SLC7A2: variants seen among roughly 807,000 people sequenced by gnomAD.
The protein encoded by SLC7A2 is cationic amino acid transporter 2.
A neutral mutation model predicts 58.9 loss-of-function variants in SLC7A2; 48 were observed. That is an observed-to-expected ratio of 0.82 (90% CI 0.65 to 1.04). The LOEUF is 1.04. Ranked by LOEUF, SLC7A2 falls within the 50% of genes least tolerant of loss-of-function variation. The pLI is 0.00. For synonymous variants in SLC7A2, 363 were observed against 314.5 expected, an observed-to-expected ratio of 1.15 and a Z score of -1.63; for missense variants, 1,029 against 818.8, an observed-to-expected ratio of 1.26 and a Z score of -3.13.
rs1803445180 is a variant in SLC7A2 at position 17,570,185 on chromosome 8, A to G, written c.*5039A>G. ...CAAGACCCAGTTGGGAAAGAGCGTCATATTGCCAACAGGTTGGGTTTCTCT... is the reference window on the plus strand; with the variant it reads ...CAAGACCCAGTTGGGAAAGAGCGTCGTATTGCCAACAGGTTGGGTTTCTCT... On this transcript the variant is annotated 3_prime_UTR_variant, in exon 13 of 13. Transcript: ENST00000494857. The G allele has an allele frequency of 6.6e-6, 1 of 152,170 alleles. No individual in the cohort carries two copies. The highest frequency in any genetic ancestry group is 2.4e-5 in the African/African-American group (1 of 41,422). The allele number at this position is 152,170 out of a possible 1,614,324, so 9.4% of individuals were successfully genotyped here.
intron 1 of SLC7A2, among the ~76,000 whole-genome samples, 190 bp downstream of exon 1, chr8:17,497,427 A>G (rs1350953134): frequency 6.6e-6 from 1 of 152,072 alleles, no homozygotes; most frequent in African/African-American, 2.4e-5. Context: ...AGTCTTCGTC[A>G]GGGAGTCGGG....
At chr8:17,504,040 G>T (rs1001998996) in intron 2 of SLC7A2, among the ~76,000 whole-genome samples, 4 of 152,162 alleles carry the variant, frequency 2.6e-5, no homozygotes, top group Non-Finnish European at 5.9e-5. Context: ...AGTCACATTG[G>T]CTGTGATTCC....
chr8:17,519,540 T>C (rs1486442636), intron 2 of SLC7A2, among the ~76,000 whole-genome samples: 1 of 152,224 alleles, frequency 6.6e-6, no homozygotes, highest in East Asian at 1.9e-4. Flanking sequence ...CCTTTGGCCC[T>C]GTCCCTCCGG....
intron 2 of SLC7A2, among the ~76,000 whole-genome samples, chr8:17,533,890 G>A (rs150446577): frequency 1.4e-4 from 21 of 152,332 alleles, no homozygotes; most frequent in African/African-American, 4.8e-4. Flanking sequence ...TGCATTAGCT[G>A]TTTATCCTGA....
rs536864775 is a variant in SLC7A2 at position 17,567,140 on chromosome 8, T to G, written c.*1994T>G. ...CAGAATTTTCTCTCAAGCTGCGTGG[T>G]TTACTGGAGAGAAGGAGTTGGATAA... On this transcript the variant is annotated 3_prime_UTR_variant, in exon 13 of 13. Coordinates refer to ENST00000494857, the MANE Select transcript of SLC7A2 (RefSeq NM_001370338.1). 7.2e-5 allele frequency: 11 copies of G among 152,696 alleles called. No homozygotes were observed. Among genetic ancestry groups the G allele is most frequent in the Admixed American group, 3.3e-4 (5 of 15,280 alleles). The allele number at this position is 152,696 out of a possible 1,614,324, so 9.5% of individuals were successfully genotyped here.
rs778257648 is a variant in SLC7A2 at position 17,554,600 on chromosome 8, G to C, written c.1096G>C (p.Ala366Pro). 6 of 1,612,892 alleles carry C rather than the reference G, an allele frequency of 3.7e-6. No homozygotes were observed. The African/African-American group carries it at 6.7e-5, about 18-fold the overall frequency. The change falls in exon 8 of 13, where the codon GCT (alanine) becomes CCT (proline). Residue 366 changes from alanine (A) to proline (P), a missense_variant. Transcript: ENST00000494857. ...TTTCCCAATGCCTCGTGTAATCTAT[G>C]CTATGGCGGAGGATGGGTTGCTTTT... The part of the protein sequence containing the change: ...SIFPMPRVIY[A>P]MAEDGLLFKC...
chr8:17,506,835 A>G (rs1236599606), intron 2 of SLC7A2, among the ~76,000 whole-genome samples: 3 of 151,750 alleles, frequency 2.0e-5, no homozygotes, highest in African/African-American at 7.3e-5. Context: ...ATGTGAGGTT[A>G]GACAGCTAGG....
At chr8:17,501,796 C>T (rs187107519) in intron 1 of SLC7A2, among the ~76,000 whole-genome samples, 1 of 151,942 alleles carries the variant, frequency 6.6e-6, no homozygotes, top group African/African-American at 2.4e-5. Context: ...ACTAGCCCCC[C>T]TCTACAGAAC....
At chr8:17,507,357 G>T (rs201462672) in intron 2 of SLC7A2, among the ~76,000 whole-genome samples, 3 of 150,438 alleles carry the variant, frequency 2.0e-5, no homozygotes, top group South Asian at 2.1e-4. Flanking sequence ...CTATTTAAAT[G>T]TGTGTGTGTG....
chr8:17,530,174 C>A (rs1397235614), intron 2 of SLC7A2, among the ~76,000 whole-genome samples: 1 of 152,120 alleles, frequency 6.6e-6, no homozygotes, highest in East Asian at 1.9e-4. Context: ...TTTCTACGTT[C>A]CCCCCTGCCC....
Position 17,565,156 on chromosome 8 carries a change from G to T in SLC7A2, c.*10G>T, listed in dbSNP as rs1298718170. 1 of 1,600,950 alleles carries T rather than the reference G, an allele frequency of 6.2e-7. No individual in the cohort carries two copies. Among genetic ancestry groups the T allele is most frequent in the South Asian group, 1.1e-5 (1 of 89,708 alleles). ...GACAAGTGAATTCTAACACTTGCAG[G>T]AGCAGAGCTGGTCATCGTCTTAGCA... On this transcript the variant is annotated 3_prime_UTR_variant, in exon 13 of 13. Transcript: ENST00000494857.
intron 2 of SLC7A2, among the ~76,000 whole-genome samples, chr8:17,520,942 G>A (rs1036242204): frequency 6.6e-6 from 1 of 152,130 alleles, no homozygotes; most frequent in South Asian, 2.1e-4. Flanking sequence ...TTAACCTACA[G>A]CTAAGATACA....
intron 9 of SLC7A2, among the ~76,000 whole-genome samples, chr8:17,559,822 A>G (rs548932867): frequency 1.3e-5 from 2 of 152,272 alleles, no homozygotes; most frequent in Admixed American, 1.3e-4. Context: ...GGAAAATGAC[A>G]TGCAATGGGT....
intron 2 of SLC7A2, among the ~76,000 whole-genome samples, chr8:17,520,442 A>C (rs923220203): frequency 6.6e-6 from 1 of 151,762 alleles, no homozygotes; most frequent in Non-Finnish European, 1.5e-5. Flanking sequence ...GGAATTTGAG[A>C]CCAGCCTGGC....
chr8:17,554,804 G>A, intron 8 of SLC7A2, 105 bp downstream of exon 8: 1 of 1,452,972 alleles, frequency 6.9e-7, no homozygotes, highest in South Asian at 1.4e-5. Flanking sequence ...TTTCCAAGAA[G>A]TTCAGTCACT....
At chr8:17,542,189 A>C (rs1342734069) in intron 2 of SLC7A2, among the ~76,000 whole-genome samples, 3 of 152,214 alleles carry the variant, frequency 2.0e-5, no homozygotes, top group Non-Finnish European at 4.4e-5. Flanking sequence ...ATTGTTTAAA[A>C]TGAAAACAGA....
rs77776043 is a variant in SLC7A2 at position 17,504,684 on chromosome 8, G to A, written c.-23+2382G>A. 5.2e-3 allele frequency among the ~76,000 whole-genome samples: 786 copies of A among 152,214 alleles called. 3 individuals carry two copies. The highest frequency in any genetic ancestry group is 7.4e-3 in the Non-Finnish European group (504 of 68,014). ...ATTAATACATTTGGAGAAGTTAAAGGTCATACTCTTTTTAGGTAGAATTGT... is the reference window on the plus strand; with the variant it reads ...ATTAATACATTTGGAGAAGTTAAAGATCATACTCTTTTTAGGTAGAATTGT... On this transcript the variant is annotated intron_variant, in intron 2 of 12. Transcript: ENST00000494857.
chr8:17,552,000 C>T lies in SLC7A2; in HGVS notation c.1055+14C>T. The T allele has an allele frequency of 6.2e-7, 1 of 1,610,532 alleles. No individual in the cohort carries two copies. Among genetic ancestry groups the T allele is most frequent in the East Asian group, 2.2e-5 (1 of 44,832 alleles). On this transcript the variant is annotated intron_variant, in intron 7 of 12. Transcript: ENST00000494857. ...CTTGTCAACAAGGTACATTGCATCG[C>T]CTTTGGGGCACGGGCTGTTTGGGAC...
intron 2 of SLC7A2, among the ~76,000 whole-genome samples, chr8:17,528,247 G>A (rs1346487413): frequency 1.3e-5 from 2 of 152,180 alleles, no homozygotes; most frequent in South Asian, 4.1e-4. Context: ...AGAATTAATA[G>A]AAGTAGACAA....
Sources: allele counts gnomAD v4.1 joint callset (sites outside exome capture counted in the v4.1 genomes callset), GRCh38; gene constraint gnomAD v4.1.1; transcripts MANE v1.5; gene names NCBI Gene and HGNC (gene_info 2026-07-23, HGNC 2026-07-21).